Variants in MYH9 observed in about 807,000 individuals in gnomAD.
MYH9 encodes the protein myosin heavy chain 9.
A neutral mutation model predicts 241.9 loss-of-function variants in MYH9; 29 were observed. The ratio of observed to expected loss-of-function variants is 0.12; its 90% confidence interval spans 0.09 to 0.16. The LOEUF is 0.16. Ranked by LOEUF, MYH9 falls within the 10% of genes least tolerant of loss-of-function variation. The pLI is 1.00. For synonymous variants in MYH9, 1,047 were observed against 1,062.6 expected, an observed-to-expected ratio of 0.99 and a Z score of 0.29; for missense variants, 1,803 against 2,595.5, an observed-to-expected ratio of 0.69 and a Z score of 6.63.
rs2239784 is a variant in MYH9 at position 36,318,590 on chromosome 22, C to T, written c.1109-265G>A. Among the ~76,000 whole-genome samples, 33,664 of 152,014 alleles carry T rather than the reference C, an allele frequency of 0.22. 7,402 individuals are homozygous for T. Among genetic ancestry groups the T allele is most frequent in the African/African-American group, 0.57 (23,788 of 41,390 alleles). On this transcript the variant is annotated intron_variant, in intron 10 of 40. Transcript: ENST00000216181. Reference sequence around the variant, plus strand: ...GCAGCTGTACCTCCCCTGAGCCCCACGGGGCAGAGAGGAAGGCGTCCTGGC... The same window carrying T: ...GCAGCTGTACCTCCCCTGAGCCCCATGGGGCAGAGAGGAAGGCGTCCTGGC...
At chr22:36,291,350 C>T (rs1355979655) in intron 31 of MYH9, among the ~76,000 whole-genome samples, 1 of 152,182 alleles carries the variant, frequency 6.6e-6, no homozygotes, top group East Asian at 1.9e-4. Flanking sequence ...ATTCTTCTGC[C>T]TTGGGATCTT....
chr22:36,357,386 C>T (rs1335678592), intron 1 of MYH9, among the ~76,000 whole-genome samples: 1 of 152,134 alleles, frequency 6.6e-6, no homozygotes, highest in Non-Finnish European at 1.5e-5. Flanking sequence ...CAAAACGATG[C>T]CACGGCACTA....
At chr22:36,311,209 GC>G (rs2017058552) in intron 14 of MYH9, among the ~76,000 whole-genome samples, 1 of 152,222 alleles carries the variant, frequency 6.6e-6, no homozygotes, top group South Asian at 2.1e-4. Context: ...TTTTGTCTAA[GC>G]ATGCACCTCT....
chr22:36,324,095 G>C (rs1017406342), intron 5 of MYH9, among the ~76,000 whole-genome samples: 1 of 152,242 alleles, frequency 6.6e-6, no homozygotes, highest in Admixed American at 6.5e-5. Context: ...AGAAGGGAGC[G>C]CGGCCCCTCC....
chr22:36,282,693 C>G lies in MYH9; in HGVS notation c.5858G>C (p.Gly1953Ala), dbSNP rs1272229371. The change falls in exon 41 of 41, where the codon GGG becomes GCG. Residue 1953 changes from glycine to alanine, a missense_variant. This residue lies in a region of MYH9 where 876 missense variants were observed against 1,077.8 expected (regional missense o/e 0.81). Transcript: ENST00000216181. ...SDEEVDGKAD[G>A]AEAKPAE ...TTATTCGGCAGGTTTGGCCTCAGCCCCATCCGCTTTGCCATCTACCTCTTC... is the reference window on the plus strand; with the variant it reads ...TTATTCGGCAGGTTTGGCCTCAGCCGCATCCGCTTTGCCATCTACCTCTTC... The G allele has an allele frequency of 6.2e-7, 1 of 1,614,052 alleles. No individual in the cohort carries two copies. Among genetic ancestry groups the G allele is most frequent in the South Asian group, 1.1e-5 (1 of 91,092 alleles).
At chr22:36,349,404 C>G in intron 1 of MYH9, 149 bp from the exon 2 acceptor site, 1 of 694,332 alleles carries the variant, frequency 1.4e-6, no homozygotes, top group South Asian at 1.7e-5. Flanking sequence ...TTTCTTGCTC[C>G]ACACTTTTGG....
chr22:36,358,437 T>C (rs765517581), intron 1 of MYH9, among the ~76,000 whole-genome samples: 3 of 152,176 alleles, frequency 2.0e-5, no homozygotes, highest in Admixed American at 6.5e-5. Flanking sequence ...CTTCCACCAC[T>C]GGGACAGCCG....
At chr22:36,386,569 C>G (rs974221024) in intron 1 of MYH9, among the ~76,000 whole-genome samples, 2 of 152,208 alleles carry the variant, frequency 1.3e-5, no homozygotes, top group African/African-American at 4.8e-5. Context: ...TCCTGTTAAA[C>G]CCAGAAAAGG....
intron 13 of MYH9, 41 bp from the exon 14 acceptor site, chr22:36,312,263 G>C (rs1488891095): frequency 6.2e-7 from 1 of 1,607,828 alleles, no homozygotes; most frequent in Admixed American, 1.7e-5. Flanking sequence ...GTGCACCCTG[G>C]GAGGGGCACC....
chr22:36,334,514 C>T (rs978856845), intron 3 of MYH9, among the ~76,000 whole-genome samples: 2 of 152,256 alleles, frequency 1.3e-5, no homozygotes, highest in East Asian at 1.9e-4. Flanking sequence ...CGTCTGCTAT[C>T]GCGTTCCAGT....
At chr22:36,360,768 G>C (rs1490283658) in intron 1 of MYH9, among the ~76,000 whole-genome samples, 1 of 151,998 alleles carries the variant, frequency 6.6e-6, no homozygotes, top group Admixed American at 6.6e-5. Flanking sequence ...TCCATCCCAG[G>C]AATATCCTGC....
rs1382398179 is a variant in MYH9 at position 36,282,418 on chromosome 22, T to C, written c.*250A>G. On this transcript the variant is annotated 3_prime_UTR_variant, in exon 41 of 41. Transcript: ENST00000216181. ...AGGAGCCTGCTGGTCGCTCTCTGCCTGGGCCCGGGCCCTGTCTCTTTGGTA... is the reference window on the plus strand; with the variant it reads ...AGGAGCCTGCTGGTCGCTCTCTGCCCGGGCCCGGGCCCTGTCTCTTTGGTA... The C allele has an allele frequency of 6.5e-6, 4 of 612,910 alleles. No homozygotes were observed. Among genetic ancestry groups the C allele is most frequent in the Non-Finnish European group, 1.2e-5 (4 of 341,666 alleles). The allele number at this position is 612,910 out of a possible 1,614,324, so 38.0% of individuals were successfully genotyped here.
chr22:36,305,017 C>T lies in MYH9; in HGVS notation c.2229+16G>A, dbSNP rs1482166368. 2.5e-6 allele frequency: 4 copies of T among 1,612,808 alleles called. No individual in the cohort carries two copies. Among genetic ancestry groups the T allele is most frequent in the African/African-American group, 1.3e-5 (1 of 74,924 alleles). On this transcript the variant is annotated intron_variant, in intron 18 of 40. Coordinates refer to ENST00000216181, the MANE Select transcript of MYH9 (RefSeq NM_002473.6). The surrounding 1 kb of genome is among the most constrained non-coding windows in gnomAD (Gnocchi z 4.7). ...GGCTGCCCATCCAGAGAGGCAGGGA[C>T]AGCAGCTCAACTCACCATGAGCACG...
intron 5 of MYH9, among the ~76,000 whole-genome samples, chr22:36,323,216 G>A (rs753895827): frequency 3.9e-5 from 6 of 152,162 alleles, no homozygotes; most frequent in African/African-American, 1.4e-4. Flanking sequence ...CCATACTCAC[G>A]GGGCAGGACA....
At chr22:36,342,415 G>A (rs981994369) in intron 2 of MYH9, among the ~76,000 whole-genome samples, 5 of 152,116 alleles carry the variant, frequency 3.3e-5, no homozygotes, top group East Asian at 1.9e-4. Flanking sequence ...AGCACAGCAC[G>A]CAGCATAGCC....
chr22:36,295,177 G>C lies in MYH9; in HGVS notation c.3486-101C>G. Reference sequence around the variant, plus strand: ...AAAGAGAGGCCTGGCCAGGGCACAGGCACTCCAGGCAGCTTTTCTACCCAC... The same window carrying C: ...AAAGAGAGGCCTGGCCAGGGCACAGCCACTCCAGGCAGCTTTTCTACCCAC... On this transcript the variant is annotated intron_variant, in intron 26 of 40. Coordinates refer to ENST00000216181, the MANE Select transcript of MYH9 (RefSeq NM_002473.6). This position sits in a 1 kb window ranked among gnomAD's most constrained non-coding sequence, Gnocchi z 4.1. 1.3e-6 allele frequency: 2 copies of C among 1,520,334 alleles called. No homozygotes were observed. The highest frequency in any genetic ancestry group is 1.8e-6 in the Non-Finnish European group (2 of 1,101,644). The allele number at this position is 1,520,334 out of a possible 1,614,324, so 94.2% of individuals were successfully genotyped here.
chr22:36,321,886 G>T, intron 6 of MYH9, 65 bp from the exon 7 acceptor site: 1 of 1,383,202 alleles, frequency 7.2e-7, no homozygotes, highest in South Asian at 1.2e-5. Context: ...AGAGCACGGG[G>T]GAGACCACAG....
chr22:36,316,395 A>T, intron 12 of MYH9, 122 bp downstream of exon 12: 2 of 1,441,480 alleles, frequency 1.4e-6, no homozygotes, highest in Admixed American at 3.4e-5. Context: ...CAAAGTCTTC[A>T]TGCAAAGGAG....
chr22:36,386,181 C>A (rs1207021667), intron 1 of MYH9, among the ~76,000 whole-genome samples: 1 of 152,184 alleles, frequency 6.6e-6, no homozygotes, highest in Non-Finnish European at 1.5e-5. Context: ...TCATCTCTAC[C>A]TCACGTTAGA....
Sources: gnomAD v4.1 joint callset for allele counts (sites outside exome capture counted in the v4.1 genomes callset) on GRCh38, gnomAD v4.1.1 for gene constraint, gnomAD v4.1.1 regional missense constraint, Gnocchi (gnomAD v3.1) non-coding constraint, MANE v1.5 for transcripts, NCBI Gene and HGNC (gene_info 2026-07-23, HGNC 2026-07-21) for gene names.